TAB2: variants seen among roughly 807,000 people sequenced by gnomAD.
TAB2 encodes TGF-beta-activated kinase 1 and MAP3K7-binding protein 2.
A neutral mutation model predicts 65.0 loss-of-function variants in TAB2; 3 were observed. The observed-to-expected ratio is 0.05, with a 90% CI of 0.02 to 0.12. TAB2 has a LOEUF of 0.12. Among genes scored for constraint, TAB2 ranks in the 10% least tolerant of loss-of-function variants. The pLI is 1.00. For missense variants in TAB2, 623 were observed against 840.3 expected, an observed-to-expected ratio of 0.74 and a Z score of 3.20; for synonymous variants, 298 against 285.1, an observed-to-expected ratio of 1.05 and a Z score of -0.46.
intron 1 of TAB2, among the ~76,000 whole-genome samples, chr6:149,269,636 A>T (rs1194442174): frequency 6.6e-6 from 1 of 152,224 alleles, no homozygotes; most frequent in East Asian, 1.9e-4. Context: ...TTGATTGGTT[A>T]TCTGTCCTTG....
At position 149,385,313 on chromosome 6, in the gene TAB2, G is replaced by A. The variant is rs566711527; in HGVS notation, c.1603+5795G>A. Reference sequence around the variant, plus strand: ...AAACTTGTACTTTGTTTAACTTTATGTATCTTTTCATTGGAAATACCTTTT... The same window carrying A: ...AAACTTGTACTTTGTTTAACTTTATATATCTTTTCATTGGAAATACCTTTT... On this transcript the variant is annotated intron_variant, in intron 3 of 6. Coordinates refer to ENST00000637181, the MANE Select transcript of TAB2 (RefSeq NM_001292034.3). 1.3e-5 allele frequency among the ~76,000 whole-genome samples: 2 copies of A among 152,138 alleles called. 1 individual carries two copies. The highest frequency in any genetic ancestry group is 4.8e-5 in the African/African-American group (2 of 41,440).
intron 1 of TAB2, among the ~76,000 whole-genome samples, chr6:149,361,895 A>G (rs905475021): frequency 1.3e-5 from 2 of 152,220 alleles, no homozygotes; most frequent in Admixed American, 6.5e-5. Context: ...CATGAACACA[A>G]TACAGCCAAG....
At chr6:149,326,648 A>T (rs1236328787) in intron 1 of TAB2, among the ~76,000 whole-genome samples, 1 of 151,918 alleles carries the variant, frequency 6.6e-6, no homozygotes, top group Non-Finnish European at 1.5e-5. Flanking sequence ...CCTGGGTTCA[A>T]GCAATTCTCC....
At chr6:149,347,273 A>G (rs1242084406) in intron 1 of TAB2, 1 of 152,230 alleles carries the variant, frequency 6.6e-6, no homozygotes, top group Non-Finnish European at 1.5e-5. Context: ...CCTGTTAACC[A>G]TCAGAAATTG....
rs796759579 is a variant in TAB2 at position 149,278,240 on chromosome 6, A to G, written c.-121+59464A>G. Among the ~76,000 whole-genome samples the G allele has an allele frequency of 9.9e-5, 15 of 152,236 alleles. No homozygotes were observed. The South Asian group carries it at 1.7e-3, about 17-fold the overall frequency. ...CACAATGCATAAGAGAAAAAATATG[A>G]ACTCTTCTTCCATGAAGGTTTTCCA... On this transcript the variant is annotated intron_variant, in intron 1 of 1. Coordinates refer to the TAB2 transcript ENST00000606202.
chr6:149,325,887 G>A (rs998444174), intron 1 of TAB2, among the ~76,000 whole-genome samples: 1 of 152,078 alleles, frequency 6.6e-6, no homozygotes, highest in African/African-American at 2.4e-5. Context: ...TTACAGATGC[G>A]TACCACAACG....
chr6:149,243,875 C>T (rs915311901), intron 1 of TAB2: 2 of 152,196 alleles, frequency 1.3e-5, no homozygotes, highest in African/African-American at 4.8e-5. Flanking sequence ...GAAAACATCT[C>T]TTGAAATTCT....
intron 1 of TAB2, among the ~76,000 whole-genome samples, chr6:149,357,960 C>T (rs524027): frequency 2.7e-3 from 408 of 152,288 alleles, no homozygotes; most frequent in Non-Finnish European, 3.8e-3. Context: ...CTTGGCCTCC[C>T]AAAGTGCCAG....
chr6:149,340,751 A>T (rs1276605694), intron 1 of TAB2, among the ~76,000 whole-genome samples: 1 of 152,174 alleles, frequency 6.6e-6, no homozygotes, highest in Admixed American at 6.5e-5. Flanking sequence ...ATTCAGTCTT[A>T]TCATCTAAGT....
At chr6:149,235,833 G>A (rs1777484714) in intron 1 of TAB2, among the ~76,000 whole-genome samples, 1 of 152,206 alleles carries the variant, frequency 6.6e-6, no homozygotes, top group African/African-American at 2.4e-5. Flanking sequence ...ATGAGAAGAA[G>A]AGTCTGGCAG....
At chr6:149,273,449 C>T (rs1406632214) in intron 1 of TAB2, among the ~76,000 whole-genome samples, 2 of 152,172 alleles carry the variant, frequency 1.3e-5, no homozygotes, top group African/African-American at 4.8e-5. Flanking sequence ...CCTGTCAGTG[C>T]CATGCTCTGA....
intron 1 of TAB2, among the ~76,000 whole-genome samples, chr6:149,285,798 C>A (rs1433349736): frequency 1.3e-5 from 2 of 152,172 alleles, no homozygotes; most frequent in African/African-American, 4.8e-5. Flanking sequence ...AGGCATGCAT[C>A]AGAAGCACCT....
intron 1 of TAB2, among the ~76,000 whole-genome samples, chr6:149,237,073 C>T (rs1777508682): frequency 6.6e-6 from 1 of 152,104 alleles, no homozygotes; most frequent in African/African-American, 2.4e-5. Flanking sequence ...TCGTGTTAGG[C>T]ACTGTGAAGT....
chr6:149,324,717 A>G (rs1479082432), intron 1 of TAB2, among the ~76,000 whole-genome samples: 1 of 152,206 alleles, frequency 6.6e-6, no homozygotes, highest in Non-Finnish European at 1.5e-5. Flanking sequence ...CCTCAGGCCA[A>G]GCAACTTTTG....
At chr6:149,373,295 G>A (rs1781290666) in intron 2 of TAB2, among the ~76,000 whole-genome samples, 1 of 152,100 alleles carries the variant, frequency 6.6e-6, no homozygotes, top group Non-Finnish European at 1.5e-5. Context: ...CATGACGATT[G>A]AATCTGTAAG....
At chr6:149,249,052 C>T (rs1183291218) in intron 1 of TAB2, among the ~76,000 whole-genome samples, 2 of 152,022 alleles carry the variant, frequency 1.3e-5, no homozygotes, top group Admixed American at 1.3e-4. Flanking sequence ...TTATTTTTCT[C>T]TTGGCTCATC....
intron 1 of TAB2, among the ~76,000 whole-genome samples, chr6:149,292,468 C>T (rs922170664): frequency 2.0e-5 from 3 of 152,128 alleles, no homozygotes; most frequent in African/African-American, 7.2e-5. Context: ...ACTACACCAG[C>T]AAGCATTTCT....
intron 1 of TAB2, among the ~76,000 whole-genome samples, chr6:149,236,299 G>A (rs1301541320): frequency 2.0e-5 from 3 of 152,204 alleles, no homozygotes; most frequent in Non-Finnish European, 2.9e-5. Context: ...AGGTATTCAA[G>A]CGTAAGTCAC....
At chr6:149,324,826 CTTTTTTTTTT>C (rs35922173) in intron 1 of TAB2, among the ~76,000 whole-genome samples, 1 of 132,820 alleles carries the variant, frequency 7.5e-6, no homozygotes, top group Non-Finnish European at 1.6e-5. Context: ...GAAAATATTA[CTTTTTTTTTT>C]TTTTTTTTGG....
Sources: gnomAD v4.1 joint callset for allele counts (sites outside exome capture counted in the v4.1 genomes callset) on GRCh38, gnomAD v4.1.1 for gene constraint, MANE v1.5 for transcripts, NCBI Gene and HGNC (gene_info 2026-07-23, HGNC 2026-07-21) for gene names.